Variants in SPMIP3 observed in about 807,000 individuals in gnomAD.
SPMIP3 encodes sperm microtubule inner protein 3.
At chr1:244,357,601 C>T in the SPMIP3 span, among the ~76,000 whole-genome samples, 2 of 149,298 alleles carry the variant, frequency 1.3e-5, no homozygotes, top group Non-Finnish European at 3.0e-5. Flanking sequence ...CCCAGTTACT[C>T]AGGAGGCTGA....
At chr1:244,365,563 C>T in the SPMIP3 span, among the ~76,000 whole-genome samples, 78 of 152,258 alleles carry the variant, frequency 5.1e-4, no homozygotes, top group Admixed American at 1.6e-3. Flanking sequence ...ATAAAATACC[C>T]AGTCTCGGGT....
At chr1:244,367,711 G>A in the SPMIP3 span, among the ~76,000 whole-genome samples, 1 of 152,142 alleles carries the variant, frequency 6.6e-6, no homozygotes, top group Admixed American at 6.6e-5. Context: ...CCGGACTCCC[G>A]GCCAGGTCCA....
At chr1:244,370,052 T>C in the SPMIP3 span, among the ~76,000 whole-genome samples, 1 of 152,196 alleles carries the variant, frequency 6.6e-6, no homozygotes, top group Non-Finnish European at 1.5e-5. Flanking sequence ...TACTCTTTGT[T>C]AGAAAATAAA....
chr1:244,381,701 C>T, the SPMIP3 span, among the ~76,000 whole-genome samples: 3 of 152,124 alleles, frequency 2.0e-5, no homozygotes, highest in Non-Finnish European at 4.4e-5. Context: ...AAGGCCGAAG[C>T]GGGAGGATCA....
the SPMIP3 span, chr1:244,389,035 G>A: frequency 6.2e-7 from 1 of 1,613,756 alleles, no homozygotes; most frequent in South Asian, 1.1e-5. Context: ...GAAGAGAGAA[G>A]CAGCTTTGAA....
chr1:244,361,317 C>T, the SPMIP3 span, among the ~76,000 whole-genome samples: 4 of 149,264 alleles, frequency 2.7e-5, no homozygotes, highest in Non-Finnish European at 5.9e-5. Flanking sequence ...GCAACCTCTG[C>T]CTCCTGGGTT....
At chr1:244,356,037 G>A in the SPMIP3 span, among the ~76,000 whole-genome samples, 2 of 152,050 alleles carry the variant, frequency 1.3e-5, no homozygotes, top group Non-Finnish European at 2.9e-5. Flanking sequence ...GTTGGTTTTA[G>A]GAATTTATTT....
chr1:244,365,919 G>A, the SPMIP3 span, among the ~76,000 whole-genome samples: 24 of 152,172 alleles, frequency 1.6e-4, no homozygotes, highest in Non-Finnish European at 4.4e-5. Context: ...AAACTAAGGA[G>A]CTGTTTCGCT....
the SPMIP3 span, among the ~76,000 whole-genome samples, chr1:244,354,007 T>C: frequency 2.6e-5 from 4 of 152,078 alleles, no homozygotes; most frequent in Admixed American, 6.6e-5. Context: ...TCCCCAGAGG[T>C]TGAATTTCCT....
the SPMIP3 span, among the ~76,000 whole-genome samples, chr1:244,383,044 G>A: frequency 6.6e-6 from 1 of 152,084 alleles, no homozygotes; most frequent in Non-Finnish European, 1.5e-5. Context: ...GGATTCCAGC[G>A]ATATTTTGGG....
At chr1:244,368,038 G>A in the SPMIP3 span, among the ~76,000 whole-genome samples, 2 of 152,164 alleles carry the variant, frequency 1.3e-5, no homozygotes, top group African/African-American at 2.4e-5. Context: ...TTGGTTCACT[G>A]CAACTTCTGC....
At chr1:244,365,345 C>A in the SPMIP3 span, among the ~76,000 whole-genome samples, 1 of 152,126 alleles carries the variant, frequency 6.6e-6, no homozygotes, top group Admixed American at 6.5e-5. Flanking sequence ...GGTAACTGAA[C>A]CATGGGGTGG....
chr1:244,373,544 T>C, the SPMIP3 span, among the ~76,000 whole-genome samples: 3 of 150,866 alleles, frequency 2.0e-5, no homozygotes, highest in Admixed American at 6.6e-5. Flanking sequence ...AAGATTCCTA[T>C]CACCTCCATC....
chr1:244,377,123 A>ATT, the SPMIP3 span, among the ~76,000 whole-genome samples: 8 of 145,632 alleles, frequency 5.5e-5, no homozygotes, highest in East Asian at 8.0e-4. Flanking sequence ...GCATCACTTT[A>ATT]TTTTTATTTT....
At chr1:244,373,332 T>TTATATATATATA in the SPMIP3 span, among the ~76,000 whole-genome samples, 133 of 85,182 alleles carry the variant, frequency 1.6e-3, 14 homozygotes, top group Middle Eastern at 6.8e-3. Context: ...CAAAAAAAAA[T>TTATATATATATA]TATATATATA....
At chr1:244,373,332 T>A in the SPMIP3 span, among the ~76,000 whole-genome samples, 34 of 85,158 alleles carry the variant, frequency 4.0e-4, 1 homozygote, top group African/African-American at 1.3e-3. Flanking sequence ...CAAAAAAAAA[T>A]TATATATATA....
At chr1:244,381,060 C>CAGAGTGGTAGGGGTTGCCGTCCCAA in the SPMIP3 span, among the ~76,000 whole-genome samples, 1 of 151,688 alleles carries the variant, frequency 6.6e-6, no homozygotes, top group Admixed American at 6.6e-5. Context: ...GGAGGGCGTG[C>CAGAGTGGTAGGGGTTGCCGTCCCAA]AGAGTGGTAG....
chr1:244,377,914 TC>T, the SPMIP3 span, among the ~76,000 whole-genome samples: 1 of 152,116 alleles, frequency 6.6e-6, no homozygotes, highest in Non-Finnish European at 1.5e-5. Flanking sequence ...CAAGGGATCC[TC>T]CCACCTGAGC....
the SPMIP3 span, among the ~76,000 whole-genome samples, chr1:244,381,350 C>A: frequency 1.3e-5 from 2 of 152,148 alleles, no homozygotes; most frequent in Non-Finnish European, 2.9e-5. Flanking sequence ...TCCAAAGTGA[C>A]CTTCAACAGG....
Sources: gnomAD v4.1 joint callset for allele counts (sites outside exome capture counted in the v4.1 genomes callset) on GRCh38, gnomAD v4.1.1 for gene constraint, MANE v1.5 for transcripts, NCBI Gene and HGNC (gene_info 2026-07-23, HGNC 2026-07-21) for gene names.